NUP93: variants seen among roughly 807,000 people sequenced by gnomAD.
NUP93 encodes the protein nuclear pore complex protein Nup93.
NUP93 carries 55 observed loss-of-function variants against 107.8 expected under a neutral mutation model. The observed-to-expected ratio is 0.51, with a 90% CI of 0.41 to 0.64. The LOEUF (loss-of-function observed/expected upper bound fraction) is 0.64. NUP93 is among the 30% of genes least tolerant of loss of function. The pLI is 0.00. For synonymous variants in NUP93, 390 were observed against 397.5 expected (o/e 0.98, Z 0.22); for missense variants, 937 against 1,044.7 (o/e 0.90, Z 1.42).
rs200588861 is a variant in NUP93, at chr16:56,792,181, TAAAAAAC to T, written c.298-6284_298-6278del. On this transcript the variant is annotated intron_variant, in intron 3 of 21. Transcript: ENST00000308159. ...GGCAACAGGGTGAGACCCCATCTCT[TAAAAAAC>T]AAAAAACAAACAAAAAAACAAAAAA... is the stretch of plus-strand genomic sequence containing the variant. Among the ~76,000 whole-genome samples, 13 of 152,060 alleles carry T rather than the reference TAAAAAAC, an allele frequency of 8.5e-5. No homozygotes were observed. The East Asian group carries it at 1.9e-3, about 23-fold the overall frequency.
chr16:56,832,708 A>G (rs1269563711), intron 12 of NUP93, among the ~76,000 whole-genome samples: 1 of 152,268 alleles, frequency 6.6e-6, no homozygotes, highest in East Asian at 1.9e-4. Flanking sequence ...ACCAGTCACT[A>G]GATCTGAGCA....
chr16:56,804,774 T>G (rs1419647188), intron 4 of NUP93, among the ~76,000 whole-genome samples: 2 of 151,750 alleles, frequency 1.3e-5, no homozygotes, highest in Admixed American at 1.3e-4. Context: ...GGCGTGGTGG[T>G]GGGCGCCTGT....
intron 4 of NUP93, among the ~76,000 whole-genome samples, chr16:56,804,413 T>G (rs751505432): frequency 6.6e-6 from 1 of 152,160 alleles, no homozygotes; most frequent in African/African-American, 2.4e-5. Flanking sequence ...GCTACAACTC[T>G]TAAGGACATT....
At chr16:56,758,823 A>T (rs1962073760) in intron 3 of NUP93, among the ~76,000 whole-genome samples, 168 bp downstream of exon 3, 1 of 152,206 alleles carries the variant, frequency 6.6e-6, no homozygotes, top group South Asian at 2.1e-4. Context: ...AGTGGAAAAC[A>T]TTGGGTTATT....
chr16:56,813,429 G>A (rs546468715), intron 5 of NUP93, among the ~76,000 whole-genome samples: 1 of 152,354 alleles, frequency 6.6e-6, no homozygotes, highest in African/African-American at 2.4e-5. Flanking sequence ...GCTGTATTTT[G>A]TGGCTCCCTG....
chr16:56,733,020 C>T (rs1961558258), intron 1 of NUP93, among the ~76,000 whole-genome samples: 1 of 152,122 alleles, frequency 6.6e-6, no homozygotes, highest in African/African-American at 2.4e-5. Context: ...ACTTTCCCAG[C>T]TGGCTGCAGC....
At chr16:56,834,105 C>T in intron 13 of NUP93, 23 bp from the exon 14 acceptor site, 1 of 1,613,600 alleles carries the variant, frequency 6.2e-7, no homozygotes, top group Non-Finnish European at 8.5e-7. Flanking sequence ...TGGTTGTGAC[C>T]CATTCTGACC....
chr16:56,800,624 C>T lies in NUP93; in HGVS notation c.360+2086C>T, dbSNP rs550272168. Among the ~76,000 whole-genome samples the T allele has an allele frequency of 2.0e-5, 3 of 152,288 alleles. No homozygotes were observed. The South Asian group carries it at 6.2e-4, about 32-fold the overall frequency. On this transcript the variant is annotated intron_variant, in intron 4 of 21. Transcript: ENST00000308159. ...CAGGAAACTGCCACTGAGCAAGAAT[C>T]ATTTTCACACAAAAAGTGAGCAACT...
chr16:56,734,603 A>G (rs1190323857), intron 1 of NUP93, among the ~76,000 whole-genome samples: 2 of 149,144 alleles, frequency 1.3e-5, no homozygotes, highest in African/African-American at 2.5e-5. Context: ...GAACAGGGAG[A>G]CAGGAAGCTA....
intron 17 of NUP93, 51 bp downstream of exon 17, chr16:56,836,768 T>C: frequency 8.0e-7 from 1 of 1,245,896 alleles, no homozygotes; most frequent in Non-Finnish European, 1.2e-6. Context: ...TGCTGGCCTT[T>C]TGGCATTAAA....
chr16:56,830,929 A>G (rs556670524), intron 10 of NUP93, among the ~76,000 whole-genome samples: 37 of 152,208 alleles, frequency 2.4e-4, no homozygotes, highest in Non-Finnish European at 4.9e-4. Context: ...TTCTGTTCCT[A>G]CAAGGGAGGG....
chr16:56,791,291 A>C (rs940767364), intron 3 of NUP93, among the ~76,000 whole-genome samples: 3 of 152,202 alleles, frequency 2.0e-5, no homozygotes, highest in Admixed American at 6.5e-5. Flanking sequence ...ATTTATTTTA[A>C]CAGGAAATTT....
intron 11 of NUP93, 142 bp downstream of exon 11, chr16:56,832,149 G>A (rs1219567609): frequency 5.8e-6 from 7 of 1,203,622 alleles, no homozygotes; most frequent in Non-Finnish European, 8.4e-6. Flanking sequence ...CCCATTTTTT[G>A]TTGTGTAATT....
At chr16:56,800,250 A>G (rs1962991506) in intron 4 of NUP93, among the ~76,000 whole-genome samples, 1 of 152,254 alleles carries the variant, frequency 6.6e-6, no homozygotes, top group Non-Finnish European at 1.5e-5. Flanking sequence ...AGTCATAGAT[A>G]CAGAGAAATT....
At chr16:56,834,614 T>C in intron 15 of NUP93, 120 bp from the exon 16 acceptor site, 1 of 1,123,500 alleles carries the variant, frequency 8.9e-7, no homozygotes, top group South Asian at 1.5e-5. Flanking sequence ...CACTGATTTT[T>C]AGTTTGCCTA....
chr16:56,740,025 G>A (rs1961691963), intron 1 of NUP93, among the ~76,000 whole-genome samples: 2 of 78,070 alleles, frequency 2.6e-5, no homozygotes, highest in African/African-American at 1.2e-4. Context: ...GGGGCGGCGG[G>A]GCAGAGGCGC....
chr16:56,824,437 T>G (rs1317507880), intron 8 of NUP93, among the ~76,000 whole-genome samples: 3 of 152,198 alleles, frequency 2.0e-5, no homozygotes, highest in African/African-American at 7.2e-5. Flanking sequence ...CCTTCGTTAG[T>G]AGGACCCATG....
chr16:56,824,547 C>T (rs555114565), intron 8 of NUP93, among the ~76,000 whole-genome samples: 5 of 152,188 alleles, frequency 3.3e-5, no homozygotes, highest in South Asian at 2.1e-4. Flanking sequence ...AGACAGGGTG[C>T]TGGGCCCCTC....
At position 56,848,124 on chromosome 16, in the gene NUP93, C is replaced by G. The variant is rs544423935; in HGVS notation, c.*3515C>G. On this transcript the variant is annotated 3_prime_UTR_variant, in exon 22 of 22. Coordinates refer to ENST00000308159, the MANE Select transcript of NUP93 (RefSeq NM_014669.5). ...CTTTTTCTCTACTAGGCACCAGAACCTTTGTCTAGTTCATTAGGTGGTTCA... is the reference window on the plus strand; with the variant it reads ...CTTTTTCTCTACTAGGCACCAGAACGTTTGTCTAGTTCATTAGGTGGTTCA... 2.6e-5 allele frequency: 4 copies of G among 152,338 alleles called. No individual in the cohort carries two copies. In the South Asian group the frequency reaches 8.3e-4, roughly 32 times the overall value. The allele number at this position is 152,338 out of a possible 1,614,324, so 9.4% of individuals were successfully genotyped here. A position where few individuals can be genotyped will look rare whatever the true frequency, so the allele number is the denominator to read the frequency against.
Sources: gnomAD v4.1 joint callset for allele counts (sites outside exome capture counted in the v4.1 genomes callset) on GRCh38, gnomAD v4.1.1 for gene constraint, MANE v1.5 for transcripts, NCBI Gene and HGNC (gene_info 2026-07-23, HGNC 2026-07-21) for gene names.